The following CLASP1 variants were observed in gnomAD, a reference collection of about 807,000 sequenced individuals.
CLASP1 encodes the protein CLIP-associating protein 1.
A neutral mutation model predicts 192.3 loss-of-function variants in CLASP1; 38 were observed. That is an observed-to-expected ratio of 0.20 (90% confidence interval 0.15 to 0.26). The LOEUF is 0.26. Ranked by LOEUF, CLASP1 falls within the 10% of genes least tolerant of loss-of-function variation. CLASP1 has a pLI of 1.00. For synonymous variants in CLASP1, 691 were observed against 712.8 expected, an observed-to-expected ratio of 0.97 and a Z score of 0.49; for missense variants, 1,433 against 1,932.5, an observed-to-expected ratio of 0.74 and a Z score of 4.85.
intron 6 of CLASP1, 105 bp from the exon 7 acceptor site, chr2:121,515,867 C>T (rs941313331): frequency 8.5e-6 from 7 of 827,274 alleles, no homozygotes; most frequent in African/African-American, 1.7e-5. Context: ...ACCATTTTAC[C>T]AGTGCAACTG....
intron 34 of CLASP1, among the ~76,000 whole-genome samples, chr2:121,374,469 T>C (rs934024183): frequency 9.8e-5 from 15 of 152,326 alleles, no homozygotes; most frequent in Admixed American, 7.8e-4. Context: ...GGGCACTGCC[T>C]AGCAGAGCAG....
intron 8 of CLASP1, among the ~76,000 whole-genome samples, chr2:121,478,800 CCACA>C (rs1418634141): frequency 1.8e-4 from 4 of 21,662 alleles, no homozygotes; most frequent in African/African-American, 2.6e-4. Flanking sequence ...ACACCACACA[CCACA>C]CACACACCCC....
chr2:121,527,801 A>G, exon 5 of CLASP1: 1 of 1,611,288 alleles, frequency 6.2e-7, no homozygotes, highest in Non-Finnish European at 8.5e-7. Context: ...AGACTTACGC[A>G]TTGAGTGTTG....
In CLASP1 at chr2:121,510,262, G is replaced by C. The variant is rs2094085217; in HGVS notation, c.644+5403C>G. On this transcript the variant is annotated intron_variant, in intron 7 of 39. Transcript: ENST00000263710. ...AACAGAAAAATCAATGAAACCAGAAGTTAGTTCTTTGAAAAGGCAAAAACT... is the reference window on the plus strand; with the variant it reads ...AACAGAAAAATCAATGAAACCAGAACTTAGTTCTTTGAAAAGGCAAAAACT... 2.7e-5 allele frequency among the ~76,000 whole-genome samples: 4 copies of C among 150,126 alleles called. No homozygotes were observed. The South Asian group carries it at 8.3e-4, about 31-fold the overall frequency.
intron 37 of CLASP1, among the ~76,000 whole-genome samples, chr2:121,358,242 G>A (rs1219979190): frequency 6.6e-6 from 1 of 152,210 alleles, no homozygotes; most frequent in African/African-American, 2.4e-5. Context: ...AGGGAAAACT[G>A]AAAATTTAGA....
chr2:121,414,058 G>A (rs907444635), intron 23 of CLASP1, among the ~76,000 whole-genome samples, 83 bp downstream of exon 24: 4 of 152,266 alleles, frequency 2.6e-5, no homozygotes, highest in Middle Eastern at 3.4e-3. Context: ...AGTGCTAGCC[G>A]ACACAGATGA....
chr2:121,356,142 C>CA (rs35125162), intron 37 of CLASP1, among the ~76,000 whole-genome samples: 232 of 135,700 alleles, frequency 1.7e-3, no homozygotes, highest in East Asian at 9.5e-3. Flanking sequence ...CTGGTTGAGT[C>CA]AAAAAAAAAA....
chr2:121,498,017 G>A (rs1394883797), intron 8 of CLASP1, among the ~76,000 whole-genome samples: 22 of 151,960 alleles, frequency 1.4e-4, no homozygotes, highest in African/African-American at 3.4e-4. Context: ...ACACCGCCAC[G>A]CCCAGCTAAT....
At chr2:121,521,168 TTAAA>T (rs2094447953) in intron 6 of CLASP1, among the ~76,000 whole-genome samples, 2 of 152,078 alleles carry the variant, frequency 1.3e-5, no homozygotes, top group East Asian at 1.9e-4. Flanking sequence ...TATTTAAGAG[TTAAA>T]TAAATGTGGT....
intron 2 of CLASP1, among the ~76,000 whole-genome samples, chr2:121,560,057 T>G (rs1224186750): frequency 6.6e-6 from 1 of 152,036 alleles, no homozygotes; most frequent in Admixed American, 6.5e-5. Context: ...TTTTGATAAA[T>G]GTACCATGGC....
At chr2:121,398,764 A>G (rs183512202) in intron 28 of CLASP1, among the ~76,000 whole-genome samples, 4 of 152,260 alleles carry the variant, frequency 2.6e-5, no homozygotes, top group African/African-American at 9.6e-5. Context: ...TGATACCCAA[A>G]TCTCATTTTT....
chr2:121,527,792 G>C lies in CLASP1; in HGVS notation c.470+7C>G, dbSNP rs750626351. The C allele has an allele frequency of 3.7e-6, 6 of 1,604,240 alleles. No individual in the cohort carries two copies. Among genetic ancestry groups the C allele is most frequent in the East Asian group, 2.2e-5 (1 of 44,854 alleles). On this transcript the variant is annotated splice_region_variant and intron_variant, in intron 5 of 39. Coordinates refer to ENST00000263710, the Ensembl canonical transcript of CLASP1. ...ACGTAAAAATGTCAGGCTCATCCCA[G>C]ACTTACGCATTGAGTGTTGCTATAA...
chr2:121,382,582 G>A (rs769873935), intron 32 of CLASP1, among the ~76,000 whole-genome samples: 15 of 152,176 alleles, frequency 9.9e-5, no homozygotes, highest in Non-Finnish European at 1.9e-4. Flanking sequence ...AATCACATGA[G>A]ATTCCAAGAG....
At chr2:121,362,645 C>A (rs1323692933) in intron 37 of CLASP1, among the ~76,000 whole-genome samples, 2 of 152,238 alleles carry the variant, frequency 1.3e-5, no homozygotes, top group Non-Finnish European at 2.9e-5. Flanking sequence ...AGGCGCTGGG[C>A]TGGAATCATC....
exon 17 of CLASP1, chr2:121,449,062 A>G (rs768494257): frequency 1.2e-6 from 2 of 1,613,960 alleles, no homozygotes; most frequent in Admixed American, 1.7e-5. Flanking sequence ...GAGGACTCCA[A>G]GGTGTGGTAC....
intron 2 of CLASP1, among the ~76,000 whole-genome samples, chr2:121,573,339 C>G (rs957974534): frequency 6.6e-6 from 1 of 152,194 alleles, no homozygotes; most frequent in Non-Finnish European, 1.5e-5. Flanking sequence ...GCTTAAGAAA[C>G]AGTTTCAAGT....
intron 30 of CLASP1, among the ~76,000 whole-genome samples, chr2:121,391,200 C>T (rs2074281662): frequency 1.3e-5 from 2 of 152,184 alleles, no homozygotes; most frequent in Admixed American, 6.5e-5. Flanking sequence ...ATCTAAAATG[C>T]AAACAGTGAA....
chr2:121,430,470 G>A (rs568273122), intron 19 of CLASP1, among the ~76,000 whole-genome samples: 1 of 152,352 alleles, frequency 6.6e-6, no homozygotes, highest in South Asian at 2.1e-4. Flanking sequence ...TATCTCTTCA[G>A]ACAAGGAAGT....
chr2:121,586,721 C>A (rs2061753178), intron 2 of CLASP1, among the ~76,000 whole-genome samples: 1 of 152,080 alleles, frequency 6.6e-6, no homozygotes, highest in African/African-American at 2.4e-5. Flanking sequence ...TGCTTTGGGG[C>A]CCTGTGAGCA....
Sources: gnomAD v4.1 joint callset for allele counts (sites outside exome capture counted in the v4.1 genomes callset) on GRCh38, gnomAD v4.1.1 for gene constraint, MANE v1.5 for transcripts, NCBI Gene and HGNC (gene_info 2026-07-23, HGNC 2026-07-21) for gene names.